Variants in GALNTL6 observed in about 807,000 individuals in gnomAD.
GALNTL6 encodes polypeptide N-acetylgalactosaminyltransferase-like 6.
A neutral mutation model predicts 73.7 loss-of-function variants in GALNTL6; 46 were observed. The observed-to-expected ratio is 0.62, with a 90% CI of 0.49 to 0.80. GALNTL6 has a LOEUF of 0.80. Among genes scored for constraint, GALNTL6 ranks in the 30% least tolerant of loss-of-function variants. GALNTL6 has a pLI of 0.00. For synonymous variants in GALNTL6, 259 were observed against 263.7 expected, an observed-to-expected ratio of 0.98 and a Z score of 0.17; for missense variants, 604 against 755.0, an observed-to-expected ratio of 0.80 and a Z score of 2.34.
At chr4:172,867,352 G>A (rs1483243195) in intron 7 of GALNTL6, among the ~76,000 whole-genome samples, 1 of 152,214 alleles carries the variant, frequency 6.6e-6, no homozygotes, top group Non-Finnish European at 1.5e-5. Flanking sequence ...CTAAGTAGGT[G>A]TTTGTGGTTT....
chr4:172,891,395 T>A (rs1746022564), intron 8 of GALNTL6, among the ~76,000 whole-genome samples: 1 of 152,190 alleles, frequency 6.6e-6, no homozygotes, highest in Admixed American at 6.5e-5. Context: ...AGATTTTATT[T>A]CTCCTTCACT....
At chr4:173,039,842 T>G (rs1012210189) in intron 12 of GALNTL6, 91 bp from the exon 13 acceptor site, 19 of 966,970 alleles carry the variant, frequency 2.0e-5, no homozygotes, top group Non-Finnish European at 2.9e-5. Context: ...TACTGAAATA[T>G]AAACAGAAAT....
intron 8 of GALNTL6, among the ~76,000 whole-genome samples, chr4:172,891,113 G>A (rs1269441578): frequency 7.2e-6 from 1 of 139,674 alleles, no homozygotes; most frequent in Non-Finnish European, 1.5e-5. Context: ...GACAGCAGAA[G>A]GTTGGGCCTT....
chr4:171,977,134 C>A (rs1434656057), intron 2 of GALNTL6, among the ~76,000 whole-genome samples: 1 of 152,126 alleles, frequency 6.6e-6, no homozygotes, highest in Non-Finnish European at 1.5e-5. Context: ...CCTCAAATGG[C>A]ATTGAAGCAG....
chr4:171,855,261 C>T (rs1271369546), intron 2 of GALNTL6, among the ~76,000 whole-genome samples: 3 of 152,210 alleles, frequency 2.0e-5, no homozygotes, highest in African/African-American at 7.2e-5. Flanking sequence ...ATCTCCTGCA[C>T]TCCACCATTG....
At chr4:172,506,630 C>T (rs1329024404) in intron 5 of GALNTL6, among the ~76,000 whole-genome samples, 1 of 54,688 alleles carries the variant, frequency 1.8e-5, no homozygotes, top group African/African-American at 4.6e-5. Context: ...ACTCTTACCA[C>T]GCCAACCCAT....
intron 5 of GALNTL6, among the ~76,000 whole-genome samples, chr4:172,562,345 T>C (rs776727259): frequency 6.6e-6 from 1 of 152,188 alleles, no homozygotes; most frequent in Non-Finnish European, 1.5e-5. Flanking sequence ...CAAGAATGTA[T>C]TGAAGCTTCC....
At chr4:172,186,439 A>G (rs74869616) in intron 2 of GALNTL6, among the ~76,000 whole-genome samples, 7,104 of 152,218 alleles carry the variant, frequency 0.047, 356 homozygotes, top group Admixed American at 0.16. Flanking sequence ...TAGAAAGAAT[A>G]AAAAATTGGA....
chr4:172,335,950 C>T (rs333392), intron 4 of GALNTL6, among the ~76,000 whole-genome samples: 26,899 of 151,956 alleles, frequency 0.18, 2,466 homozygotes, highest in East Asian at 0.36. Context: ...TTCACTTCCA[C>T]TCTGATTTTA....
At chr4:172,406,165 CTG>C (rs1744231546) in intron 5 of GALNTL6, among the ~76,000 whole-genome samples, 1 of 151,720 alleles carries the variant, frequency 6.6e-6, no homozygotes, top group Non-Finnish European at 1.5e-5. Flanking sequence ...CACATTTTAT[CTG>C]TCTCTGTTTA....
intron 5 of GALNTL6, among the ~76,000 whole-genome samples, chr4:172,781,775 T>A (rs1205405784): frequency 6.6e-6 from 1 of 152,076 alleles, no homozygotes; most frequent in Non-Finnish European, 1.5e-5. Flanking sequence ...AGAGGGAAAC[T>A]GAGGCATTAG....
chr4:172,051,024 T>C (rs1433741597), intron 2 of GALNTL6, among the ~76,000 whole-genome samples: 2 of 152,178 alleles, frequency 1.3e-5, no homozygotes, highest in African/African-American at 4.8e-5. Context: ...AGTTTCCTCC[T>C]GAAACCTAAG....
intron 7 of GALNTL6, 25 bp downstream of exon 7, chr4:172,813,748 CGAGGGGGT>C: frequency 6.4e-7 from 1 of 1,566,844 alleles, no homozygotes; most frequent in South Asian, 1.2e-5. Context: ...AGGGAGGGGC[CGAGGGGGT>C]GAGGGCAGGT....
Position 172,202,476 on chromosome 4 carries a change from CA to C in GALNTL6, c.139-27177del, listed in dbSNP as rs377625334. Among the ~76,000 whole-genome samples, 17 of 152,144 alleles carry C rather than the reference CA, an allele frequency of 1.1e-4. No homozygotes were observed. In the East Asian group the frequency reaches 3.3e-3, roughly 29 times the overall value. On this transcript the variant is annotated intron_variant, in intron 2 of 12. Coordinates refer to ENST00000506823, the MANE Select transcript of GALNTL6 (RefSeq NM_001034845.3). ...TTGAAATAATTATTTCATATACGAT[CA>C]AATATGTGTGTATATAGAAACACAA...
chr4:172,699,787 G>A (rs1382910880), intron 5 of GALNTL6, among the ~76,000 whole-genome samples: 2 of 151,264 alleles, frequency 1.3e-5, no homozygotes. Flanking sequence ...TTGGGCCAGT[G>A]GTGAAATATT....
At chr4:172,729,228 G>C (rs1736006167) in intron 5 of GALNTL6, among the ~76,000 whole-genome samples, 1 of 151,864 alleles carries the variant, frequency 6.6e-6, no homozygotes, top group Non-Finnish European at 1.5e-5. Flanking sequence ...AAGCTTTTTA[G>C]CTTTATGTAA....
chr4:171,820,013 C>A (rs1734640872), intron 2 of GALNTL6, among the ~76,000 whole-genome samples: 1 of 152,248 alleles, frequency 6.6e-6, no homozygotes, highest in South Asian at 2.1e-4. Flanking sequence ...CTCCTTATCA[C>A]CTCACTGTAC....
chr4:172,379,878 T>C, intron 5 of GALNTL6: 1 of 485,916 alleles, frequency 2.1e-6, no homozygotes, highest in South Asian at 2.3e-5. Flanking sequence ...AAACATAGAT[T>C]TGCTAATGTG....
At chr4:171,826,067 T>TGAAAAGTATAA (rs1200593370) in intron 2 of GALNTL6, among the ~76,000 whole-genome samples, 1 of 152,200 alleles carries the variant, frequency 6.6e-6, no homozygotes, top group Non-Finnish European at 1.5e-5. Context: ...TATAAACTGG[T>TGAAAAGTATAA]ACAGTGAAAC....
Sources: gnomAD v4.1 joint callset for allele counts (sites outside exome capture counted in the v4.1 genomes callset) on GRCh38, gnomAD v4.1.1 for gene constraint, MANE v1.5 for transcripts, NCBI Gene and HGNC (gene_info 2026-07-23, HGNC 2026-07-21) for gene names.